The following MICAL2 variants were observed in gnomAD, a reference collection of about 807,000 sequenced individuals.
MICAL2 encodes [F-actin]-monooxygenase MICAL2.
MICAL2 carries 77 observed loss-of-function variants against 127.3 expected under a neutral mutation model. The ratio of observed to expected loss-of-function variants is 0.60; its 90% confidence interval spans 0.50 to 0.73. The LOEUF (loss-of-function observed/expected upper bound fraction) is 0.73. Among genes scored for constraint, MICAL2 ranks in the 30% least tolerant of loss-of-function variants. The pLI, the probability that MICAL2 is intolerant of heterozygous loss-of-function variation, is 0.00. For synonymous variants in MICAL2, 570 were observed against 551.1 expected (o/e 1.03, Z -0.48); for missense variants, 1,351 against 1,434.4 (o/e 0.94, Z 0.94).
chr11:12,300,687 T>A (rs928212031), intron 29 of MICAL2, among the ~76,000 whole-genome samples: 2 of 152,120 alleles, frequency 1.3e-5, no homozygotes, highest in Non-Finnish European at 1.5e-5. Flanking sequence ...ACAAACTGAA[T>A]GTGCTTGGAA....
At chr11:12,310,238 A>G (rs1039362614) in intron 29 of MICAL2, among the ~76,000 whole-genome samples, 8 of 152,088 alleles carry the variant, frequency 5.3e-5, no homozygotes, top group African/African-American at 1.9e-4. Context: ...TCCTTCCCAG[A>G]AAAATCTTTG....
chr11:12,332,969 G>A (rs1385262123), intron 32 of MICAL2, among the ~76,000 whole-genome samples: 3 of 152,076 alleles, frequency 2.0e-5, no homozygotes, highest in Non-Finnish European at 4.4e-5. Flanking sequence ...AACAAATACC[G>A]ACAGTCCGCT....
chr11:12,250,289 A>G (rs1314381145), intron 22 of MICAL2: 1 of 152,242 alleles, frequency 6.6e-6, no homozygotes, highest in Non-Finnish European at 1.5e-5. Context: ...TAGTAGGTGT[A>G]TATATGCATG....
chr11:12,163,142 C>T (rs959268019), intron 3 of MICAL2, among the ~76,000 whole-genome samples: 1 of 152,164 alleles, frequency 6.6e-6, no homozygotes, highest in African/African-American at 2.4e-5. Flanking sequence ...CTGGTTGCAT[C>T]CCCCATCATT....
At chr11:12,222,313 G>A (rs556801068) in intron 10 of MICAL2, among the ~76,000 whole-genome samples, 12 of 152,274 alleles carry the variant, frequency 7.9e-5, no homozygotes, top group East Asian at 3.9e-4. Flanking sequence ...AGGAGGCAGC[G>A]TGGCTGAACA....
downstream of MICAL2, chr11:12,294,417 G>A: frequency 1.2e-6 from 2 of 1,614,178 alleles, no homozygotes; most frequent in South Asian, 2.2e-5. Context: ...CATTCCCCTG[G>A]GAGAAACCAG....
At chr11:12,248,635 C>T (rs923889898) in intron 21 of MICAL2, among the ~76,000 whole-genome samples, 1 of 145,246 alleles carries the variant, frequency 6.9e-6, no homozygotes, top group Non-Finnish European at 1.5e-5. Context: ...GCTTTCTCTA[C>T]CCTTGGGGTG....
At chr11:12,187,236 T>A (rs1858420932) in intron 3 of MICAL2, among the ~76,000 whole-genome samples, 2 of 152,262 alleles carry the variant, frequency 1.3e-5, no homozygotes, top group South Asian at 4.1e-4. Flanking sequence ...CTGTATTTTA[T>A]GTTTCTTGTT....
At chr11:12,167,749 A>G (rs967780943) in intron 3 of MICAL2, among the ~76,000 whole-genome samples, 4 of 152,078 alleles carry the variant, frequency 2.6e-5, no homozygotes, top group Non-Finnish European at 4.4e-5. Context: ...AACATTGAAC[A>G]TGTTTCTGAG....
chr11:12,217,409 C>T (rs766306609), intron 8 of MICAL2, among the ~76,000 whole-genome samples: 10 of 152,120 alleles, frequency 6.6e-5, no homozygotes, highest in South Asian at 2.1e-4. Context: ...GCTGTGAATG[C>T]GGGCTTGGTG....
intron 15 of MICAL2, among the ~76,000 whole-genome samples, chr11:12,228,575 C>G (rs1419454578): frequency 6.6e-6 from 1 of 152,116 alleles, no homozygotes; most frequent in Non-Finnish European, 1.5e-5. Context: ...AACCAAGAGT[C>G]CGAACCTTGG....
At chr11:12,302,933 G>A (rs910722205) in intron 29 of MICAL2, among the ~76,000 whole-genome samples, 3 of 152,170 alleles carry the variant, frequency 2.0e-5, no homozygotes, top group Non-Finnish European at 2.9e-5. Context: ...AAAGGAAAGC[G>A]ATTTAATCGA....
chr11:12,188,332 C>T (rs773251820), intron 3 of MICAL2, among the ~76,000 whole-genome samples: 5 of 152,180 alleles, frequency 3.3e-5, no homozygotes, highest in African/African-American at 7.2e-5. Context: ...TAAAATTGCA[C>T]GTGTGGCTCA....
At chr11:12,228,731 C>T (rs1857811433) in intron 15 of MICAL2, among the ~76,000 whole-genome samples, 1 of 152,162 alleles carries the variant, frequency 6.6e-6, no homozygotes, top group African/African-American at 2.4e-5. Context: ...GAGACCATGC[C>T]AGGCGACAGG....
At chr11:12,295,331 G>A (rs1863972791), downstream of MICAL2, among the ~76,000 whole-genome samples, 1 of 150,848 alleles carries the variant, frequency 6.6e-6, no homozygotes, top group Non-Finnish European at 1.5e-5. Context: ...GTAGAGATGG[G>A]GTTTTACCAC....
rs200483678 is a variant in MICAL2, at chr11:12,239,563, G to A, written c.2192G>A (p.Arg731Gln). The A allele has an allele frequency of 2.7e-5, 43 of 1,614,040 alleles. No individual in the cohort carries two copies. Among genetic ancestry groups the A allele is most frequent in the South Asian group, 7.7e-5 (7 of 91,086 alleles). Residue 731 changes from arginine (R) to glutamine (Q), a missense_variant, in exon 17 of 28, where the codon CGG becomes CAG. Arg to Gln is a conservative substitution (Grantham distance 43). Coordinates refer to ENST00000683283, the MANE Select transcript of MICAL2 (RefSeq NM_001282663.2). ...QLLAKFEEST[R>Q]NPSLMKQERR... ...CTGGCCAAGTTTGAGGAGAGCACTCGGAACCCCTCACTCATGAAGCAGGTG... is the reference window on the plus strand; with the variant it reads ...CTGGCCAAGTTTGAGGAGAGCACTCAGAACCCCTCACTCATGAAGCAGGTG...
chr11:12,155,390 C>T (rs1317429544), intron 2 of MICAL2, among the ~76,000 whole-genome samples: 1 of 152,076 alleles, frequency 6.6e-6, no homozygotes, highest in East Asian at 1.9e-4. Context: ...CACATGAATA[C>T]ACATACATAT....
intron 24 of MICAL2, 120 bp from the exon 25 acceptor site, chr11:12,258,348 T>C (rs1862613150): frequency 1.3e-6 from 1 of 773,788 alleles, no homozygotes; most frequent in East Asian, 2.5e-5. Flanking sequence ...TGAGCCACCC[T>C]GGGCTATTTC....
At chr11:12,224,625 G>T (rs376555034) in intron 12 of MICAL2, 48 bp from the exon 13 acceptor site, 2 of 1,593,014 alleles carry the variant, frequency 1.3e-6, no homozygotes, top group Non-Finnish European at 8.6e-7. Context: ...AGGGCAGACC[G>T]TGTGAGATTC....
Sources: gnomAD v4.1 joint callset for allele counts (sites outside exome capture counted in the v4.1 genomes callset) on GRCh38, gnomAD v4.1.1 for gene constraint, MANE v1.5 for transcripts, NCBI Gene and HGNC (gene_info 2026-07-23, HGNC 2026-07-21) for gene names.